Variants in CSMD1 observed in about 807,000 individuals in gnomAD.
CSMD1 encodes CUB and sushi domain-containing protein 1.
In CSMD1, 213 loss-of-function variants were observed where a neutral mutation model predicts 417.5. The observed-to-expected ratio is 0.51, with a 90% CI of 0.46 to 0.57. CSMD1 has a LOEUF of 0.57. Among genes scored for constraint, CSMD1 ranks in the 20% least tolerant of loss-of-function variants. The probability of loss-of-function intolerance (pLI) is 0.00; values close to 1 mark genes in which losing one functional copy is unlikely to be tolerated. For synonymous variants in CSMD1, 2,862 were observed against 1,736.8 expected, an observed-to-expected ratio of 1.65 and a Z score of -16.11; for missense variants, 6,923 against 4,529.7, an observed-to-expected ratio of 1.53 and a Z score of -15.17.
rs17327370 is a variant in CSMD1, at chr8:3,782,856, G to C, written c.819-28814C>G. Among the ~76,000 whole-genome samples, 758 of 152,226 alleles carry C rather than the reference G, an allele frequency of 5.0e-3. 3 individuals carry two copies. Among genetic ancestry groups the C allele is most frequent in the Non-Finnish European group, 8.5e-3 (575 of 68,020 alleles). On this transcript the variant is annotated intron_variant, in intron 5 of 69. Coordinates refer to ENST00000635120, the MANE Select transcript of CSMD1 (RefSeq NM_033225.6). ...CTTATGGAGCGACTTTCTTGCCCTAGCTCGCCTGGGAATACTATACCGTGA... is the reference window on the plus strand; with the variant it reads ...CTTATGGAGCGACTTTCTTGCCCTACCTCGCCTGGGAATACTATACCGTGA...
chr8:4,513,428 C>A (rs1802935526), intron 2 of CSMD1, among the ~76,000 whole-genome samples: 1 of 152,120 alleles, frequency 6.6e-6, no homozygotes, highest in Non-Finnish European at 1.5e-5. Flanking sequence ...TACTAATGAT[C>A]ATGTTCAAAG....
intron 9 of CSMD1, among the ~76,000 whole-genome samples, chr8:3,575,674 A>C (rs1319489097): frequency 6.6e-6 from 1 of 151,788 alleles, no homozygotes; most frequent in Non-Finnish European, 1.5e-5. Context: ...AGGAACTTAA[A>C]ATTTATTGCA....
intron 3 of CSMD1, among the ~76,000 whole-genome samples, chr8:4,062,363 A>C (rs1014722802): frequency 6.6e-6 from 1 of 151,996 alleles, no homozygotes; most frequent in African/African-American, 2.4e-5. Context: ...TTCATTTGAC[A>C]ATGGCTTTTT....
chr8:3,429,322 T>A (rs920145289), intron 12 of CSMD1, among the ~76,000 whole-genome samples: 4 of 152,108 alleles, frequency 2.6e-5, no homozygotes, highest in Non-Finnish European at 4.4e-5. Context: ...CTGAAGGAAA[T>A]ATAAAATGCA....
chr8:3,344,565 G>T (rs367577040), intron 22 of CSMD1, among the ~76,000 whole-genome samples: 4 of 152,260 alleles, frequency 2.6e-5, no homozygotes, highest in African/African-American at 9.6e-5. Context: ...ACTAGCAGGG[G>T]GCTGTAAAAA....
intron 3 of CSMD1, among the ~76,000 whole-genome samples, chr8:4,325,337 G>A (rs757122952): frequency 1.3e-5 from 2 of 152,056 alleles, no homozygotes; most frequent in African/African-American, 4.8e-5. Flanking sequence ...GGAGGTGGAG[G>A]GTTCTCTTGT....
At chr8:4,142,697 G>C (rs553378623) in intron 3 of CSMD1, among the ~76,000 whole-genome samples, 3 of 151,182 alleles carry the variant, frequency 2.0e-5, no homozygotes, top group South Asian at 2.1e-4. Context: ...GGGTGGCTGA[G>C]GTTTAGGGCA....
chr8:3,377,137 C>T (rs1221991940), intron 18 of CSMD1, among the ~76,000 whole-genome samples: 2 of 152,180 alleles, frequency 1.3e-5, no homozygotes, highest in Admixed American at 1.3e-4. Context: ...GCGTCCTGAA[C>T]CGCTGGGACT....
intron 1 of CSMD1, among the ~76,000 whole-genome samples, chr8:4,915,346 C>T (rs901977032): frequency 2.0e-5 from 3 of 152,136 alleles, no homozygotes; most frequent in Non-Finnish European, 4.4e-5. Flanking sequence ...CTAACTCTTG[C>T]TAAAGTAGAT....
chr8:3,962,399 T>C (rs1283365335), intron 5 of CSMD1, among the ~76,000 whole-genome samples: 1 of 152,146 alleles, frequency 6.6e-6, no homozygotes, highest in East Asian at 1.9e-4. Flanking sequence ...CACCACGCAG[T>C]CCTGAATTCA....
intron 1 of CSMD1, among the ~76,000 whole-genome samples, chr8:4,861,368 C>T (rs1308569360): frequency 6.6e-6 from 1 of 152,046 alleles, no homozygotes; most frequent in African/African-American, 2.4e-5. Context: ...TTCAATAGTT[C>T]CTTCTGAAGG....
At chr8:4,969,647 T>A (rs1810111771) in intron 1 of CSMD1, among the ~76,000 whole-genome samples, 1 of 152,050 alleles carries the variant, frequency 6.6e-6, no homozygotes, top group African/African-American at 2.4e-5. Context: ...TGTTGTTCAT[T>A]TTGAGCCCAT....
At chr8:4,002,871 G>C (rs541557259) in intron 4 of CSMD1, among the ~76,000 whole-genome samples, 1 of 152,234 alleles carries the variant, frequency 6.6e-6, no homozygotes, top group East Asian at 1.9e-4. Context: ...ATTAAATAAT[G>C]GGTAACTTGT....
chr8:3,925,436 C>G lies in CSMD1; in HGVS notation c.818+72467G>C, dbSNP rs527360370. ...TGAAAGAAATAATATTTAAATTATACAGTTAAACCTGAAATACAGTTCAAA... is the reference window on the plus strand; with the variant it reads ...TGAAAGAAATAATATTTAAATTATAGAGTTAAACCTGAAATACAGTTCAAA... On this transcript the variant is annotated intron_variant, in intron 5 of 69. Coordinates refer to ENST00000635120, the MANE Select transcript of CSMD1 (RefSeq NM_033225.6). 2.0e-5 allele frequency among the ~76,000 whole-genome samples: 3 copies of G among 152,192 alleles called. No homozygotes were observed. The South Asian group carries it at 6.2e-4, about 32-fold the overall frequency.
intron 5 of CSMD1, among the ~76,000 whole-genome samples, chr8:3,921,830 T>C (rs1809291444): frequency 6.6e-6 from 1 of 152,190 alleles, no homozygotes; most frequent in Non-Finnish European, 1.5e-5. Context: ...GAGAGTTTTG[T>C]GCAAAGCTTA....
chr8:3,924,478 G>C (rs1231269209), intron 5 of CSMD1, among the ~76,000 whole-genome samples: 1 of 152,052 alleles, frequency 6.6e-6, no homozygotes, highest in Non-Finnish European at 1.5e-5. Context: ...TTTCTTCTGA[G>C]ACTTCTATGA....
chr8:4,819,001 T>G (rs1799367572), intron 1 of CSMD1, among the ~76,000 whole-genome samples: 3 of 152,146 alleles, frequency 2.0e-5, no homozygotes, highest in Non-Finnish European at 4.4e-5. Flanking sequence ...AAAAAAATAT[T>G]AGCTATGTTT....
chr8:3,211,120 C>A (rs1167103368), intron 30 of CSMD1, among the ~76,000 whole-genome samples: 2 of 152,164 alleles, frequency 1.3e-5, no homozygotes, highest in Admixed American at 1.3e-4. Context: ...TCACGGCTCA[C>A]TGCAGCCTCA....
chr8:3,702,524 T>C lies in CSMD1; in HGVS notation c.1009+5890A>G, dbSNP rs182768055. 2.6e-3 allele frequency among the ~76,000 whole-genome samples: 391 copies of C among 152,344 alleles called. 1 individual carries two copies. Among genetic ancestry groups the C allele is most frequent in the African/African-American group, 9.0e-3 (374 of 41,590 alleles). On this transcript the variant is annotated intron_variant, in intron 7 of 69. Transcript: ENST00000635120. ...AAGAAGAAGAAATGACAGGTACTGTTACCATCATTAAAAAATAGAGTGCTG... is the reference window on the plus strand; with the variant it reads ...AAGAAGAAGAAATGACAGGTACTGTCACCATCATTAAAAAATAGAGTGCTG...
Sources: allele counts gnomAD v4.1 joint callset (sites outside exome capture counted in the v4.1 genomes callset), GRCh38; gene constraint gnomAD v4.1.1; transcripts MANE v1.5; gene names NCBI Gene and HGNC (gene_info 2026-07-23, HGNC 2026-07-21).